Variants in DLC1 observed in about 807,000 individuals in gnomAD.
DLC1 encodes DLC1 Rho GTPase activating protein, also known as rho GTPase-activating protein 7.
A neutral mutation model predicts 140.3 loss-of-function variants in DLC1; 54 were observed. That is an observed-to-expected ratio of 0.38 (90% CI 0.31 to 0.48). The LOEUF (loss-of-function observed/expected upper bound fraction) is 0.48. Among genes scored for constraint, DLC1 ranks in the 20% least tolerant of loss-of-function variants. The pLI is 0.96. For synonymous variants in DLC1, 986 were observed against 728.1 expected (o/e 1.35, Z -5.70); for missense variants, 2,536 against 1,907.0 (o/e 1.33, Z -6.14).
At chr8:13,447,897 C>T (rs1021649290) in intron 2 of DLC1, among the ~76,000 whole-genome samples, 2 of 152,070 alleles carry the variant, frequency 1.3e-5, no homozygotes, top group Non-Finnish European at 2.9e-5. Flanking sequence ...CTAAATTTAA[C>T]ATTTTTAGGA....
intron 5 of DLC1, among the ~76,000 whole-genome samples, chr8:13,173,030 G>C (rs1425097463): frequency 1.3e-5 from 2 of 152,154 alleles, no homozygotes; most frequent in Admixed American, 6.5e-5. Flanking sequence ...ATTTTGTCCT[G>C]GCACAGTTAG....
intron 1 of DLC1, among the ~76,000 whole-genome samples, chr8:13,511,093 A>C (rs1802342021): frequency 6.6e-6 from 1 of 152,182 alleles, no homozygotes; most frequent in Non-Finnish European, 1.5e-5. Context: ...AATAAAAGAA[A>C]CACTAATTGA....
chr8:13,319,034 C>T (rs1832978275), intron 4 of DLC1, among the ~76,000 whole-genome samples: 1 of 152,164 alleles, frequency 6.6e-6, no homozygotes, highest in Non-Finnish European at 1.5e-5. Context: ...TAAAATAGAG[C>T]TGGCTTTTGC....
At chr8:13,271,529 G>A (rs144523685) in intron 5 of DLC1, among the ~76,000 whole-genome samples, 360 of 152,248 alleles carry the variant, frequency 2.4e-3, no homozygotes, top group African/African-American at 7.8e-3. Flanking sequence ...TGAACACTCC[G>A]CAAAATACCT....
intron 5 of DLC1, among the ~76,000 whole-genome samples, chr8:13,240,842 A>G (rs1160328978): frequency 6.6e-6 from 1 of 152,218 alleles, no homozygotes; most frequent in Non-Finnish European, 1.5e-5. Flanking sequence ...TTTGCTCCAA[A>G]TGAGGAAAAT....
intron 1 of DLC1, among the ~76,000 whole-genome samples, chr8:13,596,299 G>C (rs1563465426): frequency 1.3e-5 from 2 of 151,952 alleles, no homozygotes; most frequent in African/African-American, 4.8e-5. Flanking sequence ...AGGTTGGCGA[G>C]GTTGGAGACA....
chr8:13,381,842 T>C (rs1262229958), intron 4 of DLC1, among the ~76,000 whole-genome samples: 2 of 152,106 alleles, frequency 1.3e-5, no homozygotes, highest in Admixed American at 6.6e-5. Flanking sequence ...CAGCAATAGA[T>C]GGCTGGGATG....
At chr8:13,552,758 C>T (rs1326319957) in intron 1 of DLC1, among the ~76,000 whole-genome samples, 2 of 151,632 alleles carry the variant, frequency 1.3e-5, no homozygotes, top group African/African-American at 2.4e-5. Flanking sequence ...TGAGACTGAA[C>T]TTTGTATTTT....
At chr8:13,123,383 C>G (rs1197252663) in intron 5 of DLC1, among the ~76,000 whole-genome samples, 1 of 152,032 alleles carries the variant, frequency 6.6e-6, no homozygotes, top group Non-Finnish European at 1.5e-5. Context: ...CTCTGTCTCC[C>G]AGGCCGGAAT....
chr8:13,123,616 T>C (rs1262748795), intron 5 of DLC1, among the ~76,000 whole-genome samples: 1 of 151,892 alleles, frequency 6.6e-6, no homozygotes, highest in African/African-American at 2.4e-5. Context: ...CCTCCCAAAG[T>C]GTGGGATGAC....
At chr8:13,561,716 T>A (rs1352567263) in intron 1 of DLC1, among the ~76,000 whole-genome samples, 3 of 152,202 alleles carry the variant, frequency 2.0e-5, no homozygotes, top group Non-Finnish European at 4.4e-5. Flanking sequence ...TGTAGGTAAT[T>A]CTGACTGCTT....
chr8:13,499,637 G>C lies in DLC1; in HGVS notation c.435C>G (p.Gly145=). 1 of 1,614,156 alleles carries C rather than the reference G, an allele frequency of 6.2e-7. No individual in the cohort carries two copies. Among genetic ancestry groups the C allele is most frequent in the Non-Finnish European group, 8.5e-7 (1 of 1,180,006 alleles). ...TGATGGGCAGTGCCTTTTCTAAGGA[G>C]CCTGCTCCTTGGATCATATGTTGGC... is the stretch of plus-strand genomic sequence containing the variant. ...TSGQHMIQGA[G]SLEKALPIIQ... The change falls in exon 2 of 18, where the codon GGC becomes GGG. Residue 145 remains glycine (G), a synonymous_variant. Transcript: ENST00000276297.
At chr8:13,393,051 T>C (rs1448424698) in intron 4 of DLC1, among the ~76,000 whole-genome samples, 1 of 152,142 alleles carries the variant, frequency 6.6e-6, no homozygotes, top group Non-Finnish European at 1.5e-5. Context: ...TCTAAATATA[T>C]TTATATAATT....
intron 5 of DLC1, 83 bp downstream of exon 5, chr8:13,305,186 T>C (rs777976834): frequency 7.8e-6 from 12 of 1,548,300 alleles, no homozygotes; most frequent in Admixed American, 3.8e-5. Flanking sequence ...ATACATTTTA[T>C]ATATTTAATA....
At chr8:13,298,121 C>A (rs189658570) in intron 5 of DLC1, among the ~76,000 whole-genome samples, 116 of 152,280 alleles carry the variant, frequency 7.6e-4, no homozygotes, top group African/African-American at 2.8e-3. Context: ...CTGGTATATG[C>A]TTCTGAAAGC....
intron 4 of DLC1, among the ~76,000 whole-genome samples, chr8:13,320,679 G>A (rs1350413649): frequency 6.6e-6 from 1 of 151,968 alleles, no homozygotes; most frequent in Admixed American, 6.6e-5. Flanking sequence ...GGGTGGGTGG[G>A]GTGAGGTCTG....
At chr8:13,551,065 C>CAT (rs1247466743) in intron 1 of DLC1, among the ~76,000 whole-genome samples, 1 of 34,640 alleles carries the variant, frequency 2.9e-5, no homozygotes, top group South Asian at 2.0e-3. Flanking sequence ...CACACACACA[C>CAT]ACACACACAC....
intron 4 of DLC1, among the ~76,000 whole-genome samples, chr8:13,371,489 C>G (rs958731618): frequency 6.6e-6 from 1 of 152,072 alleles, no homozygotes. Context: ...CAGCTCTGAA[C>G]ATGTAAGTCC....
intron 5 of DLC1, among the ~76,000 whole-genome samples, chr8:13,256,558 T>C (rs1830236962): frequency 6.6e-6 from 1 of 151,560 alleles, no homozygotes; most frequent in South Asian, 2.1e-4. Context: ...AAGGAATGAG[T>C]TCATGTCCTT....
Sources: gnomAD v4.1 joint callset for allele counts (sites outside exome capture counted in the v4.1 genomes callset) on GRCh38, gnomAD v4.1.1 for gene constraint, MANE v1.5 for transcripts, NCBI Gene and HGNC (gene_info 2026-07-23, HGNC 2026-07-21) for gene names.